Variants in CELF5 observed in about 807,000 individuals in gnomAD.
CELF5 encodes CUGBP Elav-like family member 5, also known as CUG-BP and ETR-3 like factor 5.
In CELF5, 6 loss-of-function variants were observed where a neutral mutation model predicts 54.9. The observed-to-expected ratio is 0.11, with a 90% CI of 0.06 to 0.22. The LOEUF (loss-of-function observed/expected upper bound fraction) is 0.22. Ranked by LOEUF, CELF5 falls within the 10% of genes least tolerant of loss-of-function variation. The probability of loss-of-function intolerance (pLI) is 1.00; values close to 1 mark genes in which losing one functional copy is unlikely to be tolerated. For synonymous variants in CELF5, 271 were observed against 290.9 expected (o/e 0.93, Z 0.70); for missense variants, 401 against 678.6 (o/e 0.59, Z 4.54).
intron 11 of CELF5, among the ~76,000 whole-genome samples, chr19:3,291,407 T>C (rs1028307322): frequency 6.6e-6 from 1 of 151,166 alleles, no homozygotes; most frequent in Non-Finnish European, 1.5e-5. Flanking sequence ...CTACTAAAAA[T>C]ACAAAAAAAT....
rs897808401 is a variant in CELF5 at position 3,278,370 on chromosome 19, C to T, written c.603+260C>T. ...TGCATGGATGTATTACAAGTGTGTG[C>T]GTGTGGGTGAGTGTGCATGTCTGGG... On this transcript the variant is annotated intron_variant, in intron 5 of 12. Coordinates refer to ENST00000292672, the MANE Select transcript of CELF5 (RefSeq NM_021938.4). This position sits in a 1 kb window ranked among gnomAD's most constrained non-coding sequence, Gnocchi z 4.5. 7.9e-5 allele frequency among the ~76,000 whole-genome samples: 12 copies of T among 151,432 alleles called. No individual in the cohort carries two copies. Among genetic ancestry groups the T allele is most frequent in the Non-Finnish European group, 1.5e-4 (10 of 67,862 alleles).
chr19:3,260,737 C>T (rs1207137390), intron 2 of CELF5, among the ~76,000 whole-genome samples: 2 of 151,934 alleles, frequency 1.3e-5, no homozygotes, highest in African/African-American at 2.4e-5. Context: ...ATTCTCCTGC[C>T]TCAGCCTCCC....
At chr19:3,246,563 A>G (rs1049015695) in intron 1 of CELF5, among the ~76,000 whole-genome samples, 2 of 150,966 alleles carry the variant, frequency 1.3e-5, no homozygotes, top group Non-Finnish European at 3.0e-5. Context: ...TAATAATAAT[A>G]ACAGCTGGGT....
At chr19:3,285,676 CTTCCCCG>C (rs2080232609) in intron 9 of CELF5, among the ~76,000 whole-genome samples, 1 of 127,420 alleles carries the variant, frequency 7.8e-6, no homozygotes, top group African/African-American at 3.0e-5. Context: ...CCCACCCCCC[CTTCCCCG>C]CCCCGTCTCG....
chr19:3,229,959 G>A (rs908906893), intron 1 of CELF5, among the ~76,000 whole-genome samples: 5 of 152,156 alleles, frequency 3.3e-5, no homozygotes, highest in African/African-American at 1.2e-4. Flanking sequence ...CTTCCGAGGG[G>A]TCTTAGCTTG....
chr19:3,237,589 G>A (rs1277430988), intron 1 of CELF5, among the ~76,000 whole-genome samples: 1 of 152,154 alleles, frequency 6.6e-6, no homozygotes, highest in East Asian at 1.9e-4. Flanking sequence ...ATTATAATTA[G>A]CATGTAATGA....
At chr19:3,237,311 C>CAAA (rs1182124877) in intron 1 of CELF5, among the ~76,000 whole-genome samples, 11 of 42,220 alleles carry the variant, frequency 2.6e-4, no homozygotes, top group Non-Finnish European at 4.5e-4. Flanking sequence ...GACTCCGTCT[C>CAAA]AAAAAAAAAA....
At chr19:3,267,285 A>AC (rs143738956) in intron 2 of CELF5, among the ~76,000 whole-genome samples, 6 of 151,178 alleles carry the variant, frequency 4.0e-5, no homozygotes, top group South Asian at 2.1e-4. Flanking sequence ...AGAGAGGGCA[A>AC]CCCCCCCGTT....
At position 3,276,001 on chromosome 19, in the gene CELF5, G is replaced by A. The variant is rs1599460190; in HGVS notation, c.523+17G>A. ...GCAGCAAAGGTGACTGGCGGGGGCCGGGGCGGGACTGCGAGAGGGGCCGGG... is the reference window on the plus strand; with the variant it reads ...GCAGCAAAGGTGACTGGCGGGGGCCAGGGCGGGACTGCGAGAGGGGCCGGG... On this transcript the variant is annotated intron_variant, in intron 4 of 12. Coordinates refer to ENST00000292672, the MANE Select transcript of CELF5 (RefSeq NM_021938.4). 10 of 1,594,728 alleles carry A rather than the reference G, an allele frequency of 6.3e-6. No individual in the cohort carries two copies. In the East Asian group the frequency reaches 2.0e-4, roughly 32 times the overall value.
At chr19:3,287,548 G>C (rs889177217) in intron 10 of CELF5, among the ~76,000 whole-genome samples, 2 of 150,650 alleles carry the variant, frequency 1.3e-5, no homozygotes, top group African/African-American at 4.9e-5. Flanking sequence ...AACAGAGCGA[G>C]ACTCCATCTC....
intron 8 of CELF5, 102 bp from the exon 9 acceptor site, chr19:3,284,800 T>C: frequency 1.0e-6 from 1 of 997,306 alleles, no homozygotes; most frequent in East Asian, 2.5e-5. Flanking sequence ...GAGGAGAAGC[T>C]GGGCGGGGTG....
chr19:3,289,757 A>G (rs972987423), intron 10 of CELF5, among the ~76,000 whole-genome samples: 5 of 146,500 alleles, frequency 3.4e-5, no homozygotes, highest in African/African-American at 1.0e-4. Context: ...TTTACAAATG[A>G]GTTTTATTTT....
chr19:3,243,494 C>G (rs2079521140), intron 1 of CELF5, among the ~76,000 whole-genome samples: 1 of 152,104 alleles, frequency 6.6e-6, no homozygotes, highest in Admixed American at 6.6e-5. Flanking sequence ...GTTGCCTAGG[C>G]TGGTCTCGAA....
intron 11 of CELF5, among the ~76,000 whole-genome samples, chr19:3,290,818 G>C (rs56211586): frequency 1.3e-5 from 2 of 149,994 alleles, no homozygotes; most frequent in East Asian, 2.0e-4. Context: ...TGCCCGCCTC[G>C]GCCTCCCAAA....
Position 3,275,648 on chromosome 19 carries a change from C to A in CELF5, c.395-208C>A, listed in dbSNP as rs1422075343. The stretch of plus-strand genomic sequence containing the variant: ...CTGGGCAAAGGCCGGGAGATGGGAG[C>A]GTGCAGGGCCCGTGGGAGGGTGGAG... On this transcript the variant is annotated intron_variant, in intron 3 of 12. Transcript: ENST00000292672. This position sits in a 1 kb window ranked among gnomAD's most constrained non-coding sequence, Gnocchi z 6.7. 2.0e-5 allele frequency among the ~76,000 whole-genome samples: 3 copies of A among 152,056 alleles called. No individual in the cohort carries two copies. The highest frequency in any genetic ancestry group is 4.4e-5 in the Non-Finnish European group (3 of 68,004).
chr19:3,234,869 C>CT (rs1917446692), intron 1 of CELF5, among the ~76,000 whole-genome samples: 1 of 152,072 alleles, frequency 6.6e-6, no homozygotes, highest in Non-Finnish European at 1.5e-5. Flanking sequence ...TCCCTGTGCC[C>CT]TTGTCCCTGG....
At chr19:3,247,405 C>T (rs1050660375) in intron 1 of CELF5, among the ~76,000 whole-genome samples, 34 of 152,094 alleles carry the variant, frequency 2.2e-4, no homozygotes, top group Admixed American at 2.0e-4. Context: ...GGATTACAGG[C>T]GTGAGCCATC....
intron 10 of CELF5, among the ~76,000 whole-genome samples, chr19:3,288,999 A>G (rs1037114940): frequency 6.6e-6 from 1 of 152,194 alleles, no homozygotes; most frequent in Non-Finnish European, 1.5e-5. Context: ...ATTGTTATTT[A>G]TAGTTTTTAT....
intron 2 of CELF5, among the ~76,000 whole-genome samples, chr19:3,255,636 G>C (rs561909626): frequency 1.4e-4 from 21 of 152,140 alleles, no homozygotes; most frequent in African/African-American, 4.3e-4. Context: ...GTGTTCTCCT[G>C]AGTTCAAACC....
Sources: gnomAD v4.1 joint callset for allele counts (sites outside exome capture counted in the v4.1 genomes callset) on GRCh38, gnomAD v4.1.1 for gene constraint, Gnocchi (gnomAD v3.1) non-coding constraint, MANE v1.5 for transcripts, NCBI Gene and HGNC (gene_info 2026-07-23, HGNC 2026-07-21) for gene names.